Variants in ZNF713 observed in about 807,000 individuals in gnomAD.
ZNF713 encodes the protein zinc finger protein 713.
ZNF713 carries 21 observed loss-of-function variants against 28.7 expected under a neutral mutation model. The ratio of observed to expected loss-of-function variants is 0.73; its 90% confidence interval spans 0.52 to 1.05. The LOEUF is 1.05. ZNF713 is among the 50% of genes least tolerant of loss of function. The pLI is 0.00. For missense variants in ZNF713, 458 were observed against 532.4 expected (o/e 0.86, Z 1.37); for synonymous variants, 167 against 178.0 (o/e 0.94, Z 0.49).
intron 6 of ZNF713, among the ~76,000 whole-genome samples, chr7:55,926,303 C>T (rs191328871): frequency 6.6e-6 from 1 of 152,310 alleles, no homozygotes; most frequent in East Asian, 1.9e-4. Context: ...GAGCGAGACT[C>T]TGTCTCCAAA....
chr7:55,936,280 A>AAAC (rs1786344256), intron 6 of ZNF713, among the ~76,000 whole-genome samples: 1 of 151,328 alleles, frequency 6.6e-6, no homozygotes, highest in Non-Finnish European at 1.5e-5. Context: ...AAAAAAAAAA[A>AAAC]ATCTGAGAGG....
intron 6 of ZNF713, among the ~76,000 whole-genome samples, chr7:55,926,871 C>T (rs1259657561): frequency 6.6e-6 from 1 of 152,204 alleles, no homozygotes; most frequent in Admixed American, 6.5e-5. Flanking sequence ...TGGCTCATGG[C>T]TCATGCCTAT....
At chr7:55,890,702 A>G (rs1041821181) in intron 1 of ZNF713, among the ~76,000 whole-genome samples, 6 of 152,132 alleles carry the variant, frequency 3.9e-5, no homozygotes, top group African/African-American at 1.4e-4. Context: ...TTATCCTGGT[A>G]TCACAGATAC....
chr7:55,888,490 C>T (rs1461720541), intron 1 of ZNF713, among the ~76,000 whole-genome samples: 1 of 152,156 alleles, frequency 6.6e-6, no homozygotes, highest in Non-Finnish European at 1.5e-5. Flanking sequence ...TCAAGAGCTC[C>T]TCCTTCCTCA....
In ZNF713 at chr7:55,940,108, C is replaced by T; in HGVS notation, c.*102C>T. 1 of 1,456,658 alleles carries T rather than the reference C, an allele frequency of 6.9e-7. No homozygotes were observed. 90.2% of individuals were successfully genotyped at this position (1,456,658 alleles called of 1,614,324 possible). On this transcript the variant is annotated 3_prime_UTR_variant, in exon 7 of 7. Coordinates refer to ENST00000429591, the MANE Select transcript of ZNF713 (RefSeq NM_182633.3). ...CAAATTATTCATAGTGGAGAGAAAG[C>T]TTATACATAAATTTTTGTTTTGTTT...
At chr7:55,895,123 T>C (rs1447146169) in intron 1 of ZNF713, among the ~76,000 whole-genome samples, 1 of 152,106 alleles carries the variant, frequency 6.6e-6, no homozygotes, top group East Asian at 1.9e-4. Flanking sequence ...CTGGCTGCAG[T>C]ATGAAGAAAA....
chr7:55,941,225 G>A lies in ZNF713; in HGVS notation c.*1219G>A, dbSNP rs7777501. ...AATCCCAGCACTTTGGGAGGCCGAG[G>A]TGGGGTGATCATCTGAGGCCAGGAG... On this transcript the variant is annotated 3_prime_UTR_variant, in exon 7 of 7. Coordinates refer to ENST00000429591, the MANE Select transcript of ZNF713 (RefSeq NM_182633.3). 0.44 allele frequency: 66,135 copies of A among 151,074 alleles called. 14,857 individuals carry two copies. The highest frequency in any genetic ancestry group is 0.58 in the East Asian group (2,910 of 5,046). The allele number at this position is 151,074 out of a possible 1,614,324, so 9.4% of individuals were successfully genotyped here.
chr7:55,906,489 G>A (rs1047042596), intron 2 of ZNF713, 110 bp downstream of exon 2: 2 of 152,116 alleles, frequency 1.3e-5, no homozygotes, highest in African/African-American at 2.4e-5. Context: ...TTCAATCTCT[G>A]TCTTTGCACA....
chr7:55,889,657 G>A (rs992339765), intron 1 of ZNF713, among the ~76,000 whole-genome samples: 9 of 151,838 alleles, frequency 5.9e-5, no homozygotes, highest in Admixed American at 5.3e-4. Flanking sequence ...TCTTGATATT[G>A]CATCTGGCTT....
At chr7:55,905,202 A>C (rs1330273621) in intron 1 of ZNF713, among the ~76,000 whole-genome samples, 2 of 152,184 alleles carry the variant, frequency 1.3e-5, no homozygotes, top group African/African-American at 4.8e-5. Context: ...AAGGAAATGA[A>C]AGGTTCCAGT....
At chr7:55,891,008 AAG>A (rs1265181500) in intron 1 of ZNF713, among the ~76,000 whole-genome samples, 3 of 151,662 alleles carry the variant, frequency 2.0e-5, no homozygotes, top group African/African-American at 4.9e-5. Context: ...AAAAAAAAAA[AAG>A]AAAAAAAAAT....
In ZNF713 at chr7:55,938,228, G is replaced by A. The variant is rs982321282; in HGVS notation, c.308-754G>A. Among the ~76,000 whole-genome samples the A allele has an allele frequency of 5.9e-5, 9 of 152,176 alleles. No homozygotes were observed. In the East Asian group the frequency reaches 9.7e-4, roughly 16 times the overall value. Reference sequence around the variant, plus strand: ...CTCCATCTCAAAAAAACAAAAAAAAGAGGAAAGCCATGGGACCTGTTCAAG... The same window carrying A: ...CTCCATCTCAAAAAAACAAAAAAAAAAGGAAAGCCATGGGACCTGTTCAAG... On this transcript the variant is annotated intron_variant, in intron 6 of 6. Coordinates refer to ENST00000429591, the MANE Select transcript of ZNF713 (RefSeq NM_182633.3).
At chr7:55,915,318 G>C (rs1212975827) in intron 4 of ZNF713, among the ~76,000 whole-genome samples, 2 of 152,198 alleles carry the variant, frequency 1.3e-5, no homozygotes, top group Admixed American at 6.5e-5. Context: ...TGAGTAGCTA[G>C]TATGTGACAA....
chr7:55,895,743 C>T (rs911239276), intron 1 of ZNF713, among the ~76,000 whole-genome samples: 1 of 152,146 alleles, frequency 6.6e-6, no homozygotes, highest in East Asian at 1.9e-4. Context: ...GCTGGGATTA[C>T]AGGTGTGAGC....
At chr7:55,935,543 G>A (rs1477141804) in intron 6 of ZNF713, among the ~76,000 whole-genome samples, 2 of 152,150 alleles carry the variant, frequency 1.3e-5, no homozygotes, top group African/African-American at 2.4e-5. Context: ...CTCCCTGAGA[G>A]TTGACAGAAG....
At chr7:55,936,964 T>C (rs1378996428) in intron 6 of ZNF713, among the ~76,000 whole-genome samples, 1 of 152,096 alleles carries the variant, frequency 6.6e-6, no homozygotes, top group East Asian at 1.9e-4. Flanking sequence ...CTCTCCTCCC[T>C]CCACACAGTC....
rs1483573474 is a variant in ZNF713 at position 55,940,761 on chromosome 7, G to A, written c.*755G>A. 2 of 149,420 alleles carry A rather than the reference G, an allele frequency of 1.3e-5. No individual in the cohort carries two copies. The highest frequency in any genetic ancestry group is 2.5e-5 in the African/African-American group (1 of 39,310). The allele number at this position is 149,420 out of a possible 1,614,324, so 9.3% of individuals were successfully genotyped here. ...GTCTCAAAAAAAAAAAAGAAAGAAA[G>A]CCTATAGGCAACAACTTGTAATTAC... On this transcript the variant is annotated 3_prime_UTR_variant, in exon 7 of 7. Transcript: ENST00000429591.
At chr7:55,900,835 CTCTT>C (rs2116185780) in intron 1 of ZNF713, among the ~76,000 whole-genome samples, 1 of 152,212 alleles carries the variant, frequency 6.6e-6, no homozygotes, top group East Asian at 1.9e-4. Flanking sequence ...GTCTCTCTGT[CTCTT>C]TCTTTTTTTC....
intron 1 of ZNF713, among the ~76,000 whole-genome samples, chr7:55,892,639 A>G (rs1213151263): frequency 6.6e-6 from 1 of 150,790 alleles, no homozygotes; most frequent in Non-Finnish European, 1.5e-5. Context: ...TTAGGAGACC[A>G]AGGCGATTGG....
Sources: gnomAD v4.1 joint callset for allele counts (sites outside exome capture counted in the v4.1 genomes callset) on GRCh38, gnomAD v4.1.1 for gene constraint, MANE v1.5 for transcripts, NCBI Gene and HGNC (gene_info 2026-07-23, HGNC 2026-07-21) for gene names.